Variants in MACROD2 observed in about 807,000 individuals in gnomAD.
MACROD2 encodes the protein mono-ADP ribosylhydrolase 2.
A neutral mutation model predicts 70.4 loss-of-function variants in MACROD2; 36 were observed. That is an observed-to-expected ratio of 0.51 (90% CI 0.39 to 0.68). MACROD2 has a LOEUF of 0.68. Ranked by LOEUF, MACROD2 falls within the 30% of genes least tolerant of loss-of-function variation. The probability of loss-of-function intolerance (pLI) is 0.00; values close to 1 mark genes in which losing one functional copy is unlikely to be tolerated. For synonymous variants in MACROD2, 172 were observed against 178.8 expected, an observed-to-expected ratio of 0.96 and a Z score of 0.30; for missense variants, 496 against 538.4, an observed-to-expected ratio of 0.92 and a Z score of 0.78.
intron 3 of MACROD2, among the ~76,000 whole-genome samples, chr20:14,130,246 T>G (rs554555255): frequency 2.0e-5 from 3 of 152,276 alleles, no homozygotes; most frequent in African/African-American, 7.2e-5. Context: ...TTTTTTGTTT[T>G]TAAACCAAGA....
intron 3 of MACROD2, among the ~76,000 whole-genome samples, chr20:14,395,975 C>A (rs2083575968): frequency 6.6e-6 from 1 of 152,186 alleles, no homozygotes; most frequent in African/African-American, 2.4e-5. Context: ...AGGTAGACTA[C>A]AACTCCTGGA....
In MACROD2 at chr20:14,238,930, G is replaced by A. The variant is rs141326137; in HGVS notation, c.271+153202G>A. Among the ~76,000 whole-genome samples the A allele has an allele frequency of 4.7e-3, 718 of 151,584 alleles. 2 individuals carry two copies. Among genetic ancestry groups the A allele is most frequent in the East Asian group, 9.2e-3 (47 of 5,136 alleles). On this transcript the variant is annotated intron_variant, in intron 3 of 17. Transcript: ENST00000684519. ...TAGTCCCAGCTACTTGAGAGGCTGA[G>A]GCAGGAGAATCGCTTGAACCTGGGA...
intron 3 of MACROD2, among the ~76,000 whole-genome samples, chr20:14,402,832 T>G (rs1431080916): frequency 1.3e-5 from 2 of 152,172 alleles, no homozygotes; most frequent in African/African-American, 4.8e-5. Flanking sequence ...GTTGTTAGAA[T>G]AGTTTCTTTT....
intron 8 of MACROD2, among the ~76,000 whole-genome samples, chr20:15,518,160 G>C (rs2047596455): frequency 6.6e-6 from 1 of 152,238 alleles, no homozygotes; most frequent in South Asian, 2.1e-4. Flanking sequence ...GTAGTGTCTT[G>C]ACACACAGTT....
At chr20:15,883,944 TAA>T (rs2064790103) in intron 9 of MACROD2, among the ~76,000 whole-genome samples, 6 of 152,140 alleles carry the variant, frequency 3.9e-5, no homozygotes, top group African/African-American at 7.2e-5. Context: ...TTTATTATAA[TAA>T]CAGCTAATAT....
intron 8 of MACROD2, among the ~76,000 whole-genome samples, chr20:15,756,051 G>C (rs981719496): frequency 1.2e-4 from 19 of 152,160 alleles, no homozygotes; most frequent in African/African-American, 4.3e-4. Context: ...TCCTGGTTAT[G>C]CCACCTCTGT....
chr20:15,216,680 G>A (rs1265754005), intron 5 of MACROD2, among the ~76,000 whole-genome samples: 1 of 152,102 alleles, frequency 6.6e-6, no homozygotes, highest in Non-Finnish European at 1.5e-5. Flanking sequence ...ACGGTAAGCT[G>A]ACTGTGACAG....
At chr20:15,661,546 G>C (rs1036351340) in intron 8 of MACROD2, among the ~76,000 whole-genome samples, 4 of 152,136 alleles carry the variant, frequency 2.6e-5, no homozygotes, top group East Asian at 3.9e-4. Flanking sequence ...CCATTCACGA[G>C]GGAACAGTCC....
At chr20:14,222,300 C>G (rs1194064333) in intron 3 of MACROD2, among the ~76,000 whole-genome samples, 5 of 151,810 alleles carry the variant, frequency 3.3e-5, no homozygotes, top group Non-Finnish European at 7.4e-5. Context: ...GAATACTATT[C>G]AGCTATAAAA....
In MACROD2 at chr20:15,258,179, A is replaced by C. The variant is rs118074334; in HGVS notation, c.540+28118A>C. On this transcript the variant is annotated intron_variant, in intron 6 of 17. Coordinates refer to ENST00000684519, the MANE Select transcript of MACROD2 (RefSeq NM_001351661.2). ...AGTCAAAACGTTTAAACAAATTTTGATTTTATAAATTTAAAAATTTATACA... is the reference window on the plus strand; with the variant it reads ...AGTCAAAACGTTTAAACAAATTTTGCTTTTATAAATTTAAAAATTTATACA... Among the ~76,000 whole-genome samples, 56 of 152,228 alleles carry C rather than the reference A, an allele frequency of 3.7e-4. No individual in the cohort carries two copies. The East Asian group carries it at 0.011, about 29-fold the overall frequency.
chr20:14,193,191 C>T (rs2081402281), intron 3 of MACROD2, among the ~76,000 whole-genome samples: 1 of 152,190 alleles, frequency 6.6e-6, no homozygotes, highest in South Asian at 2.1e-4. Context: ...CCATTCTTAA[C>T]CATTCATTTC....
intron 3 of MACROD2, among the ~76,000 whole-genome samples, chr20:14,228,017 A>G (rs1446013049): frequency 6.6e-6 from 1 of 152,170 alleles, no homozygotes; most frequent in Non-Finnish European, 1.5e-5. Flanking sequence ...TAATAGTATT[A>G]TGTCAATGTA....
chr20:14,659,143 T>G (rs1328940314), intron 4 of MACROD2, among the ~76,000 whole-genome samples: 3 of 152,138 alleles, frequency 2.0e-5, no homozygotes, highest in Non-Finnish European at 2.9e-5. Context: ...TTACAATAAC[T>G]AGCCTTTTTC....
intron 4 of MACROD2, among the ~76,000 whole-genome samples, chr20:14,632,159 G>C (rs1022450324): frequency 6.6e-6 from 1 of 151,970 alleles, no homozygotes; most frequent in Non-Finnish European, 1.5e-5. Flanking sequence ...GCTTACTGTA[G>C]TGTGAATGAT....
intron 15 of MACROD2, among the ~76,000 whole-genome samples, chr20:16,010,195 G>T (rs1302359474): frequency 2.6e-5 from 4 of 152,190 alleles, no homozygotes; most frequent in African/African-American, 9.7e-5. Flanking sequence ...ATGTGAGTGA[G>T]TGGGTCAGTT....
intron 3 of MACROD2, among the ~76,000 whole-genome samples, chr20:14,103,747 A>G (rs1466028118): frequency 1.3e-5 from 2 of 152,176 alleles, no homozygotes; most frequent in Non-Finnish European, 2.9e-5. Flanking sequence ...TATAAATACA[A>G]TACTTTTTAT....
chr20:15,340,008 C>A (rs6131664), intron 6 of MACROD2, among the ~76,000 whole-genome samples: 2 of 147,570 alleles, frequency 1.4e-5, no homozygotes, highest in African/African-American at 5.3e-5. Context: ...CTCCCATTAT[C>A]TTGATTAGTA....
intron 8 of MACROD2, among the ~76,000 whole-genome samples, chr20:15,778,692 A>G (rs1425438110): frequency 2.6e-5 from 4 of 152,026 alleles, no homozygotes; most frequent in Non-Finnish European, 4.4e-5. Context: ...CTTTAGGTAC[A>G]GAGGTTGAAA....
At chr20:15,041,225 C>T (rs966513786) in intron 5 of MACROD2, among the ~76,000 whole-genome samples, 3 of 151,980 alleles carry the variant, frequency 2.0e-5, no homozygotes, top group East Asian at 1.9e-4. Flanking sequence ...CTAGAAAGGG[C>T]GTGACAAATT....
Sources: allele counts gnomAD v4.1 joint callset (sites outside exome capture counted in the v4.1 genomes callset), GRCh38; gene constraint gnomAD v4.1.1; transcripts MANE v1.5; gene names NCBI Gene and HGNC (gene_info 2026-07-23, HGNC 2026-07-21).